Variants in IQSEC1 observed in about 807,000 individuals in gnomAD.
IQSEC1 encodes the protein IQ motif and SEC7 domain-containing protein 1.
A neutral mutation model predicts 91.0 loss-of-function variants in IQSEC1; 31 were observed. The observed-to-expected ratio is 0.34, with a 90% CI of 0.26 to 0.46. The LOEUF (loss-of-function observed/expected upper bound fraction) is 0.46, where lower values mean the gene tolerates loss of function less well. IQSEC1 is among the 20% of genes least tolerant of loss of function. IQSEC1 has a pLI of 1.00. For missense variants in IQSEC1, 1,388 were observed against 1,575.6 expected (o/e 0.88, Z 2.02); for synonymous variants, 699 against 662.6 (o/e 1.05, Z -0.84).
chr3:13,104,798 G>A (rs1706124285), intron 2 of IQSEC1, among the ~76,000 whole-genome samples: 1 of 152,172 alleles, frequency 6.6e-6, no homozygotes. Flanking sequence ...CCCATGTGAG[G>A]GGCTGTAGGA....
intron 1 of IQSEC1, among the ~76,000 whole-genome samples, chr3:12,969,300 A>G (rs1048054331): frequency 2.2e-4 from 33 of 152,114 alleles, no homozygotes; most frequent in Non-Finnish European, 3.7e-4. Context: ...AAGACAATCT[A>G]CAAGTGGCCA....
At chr3:13,139,968 G>C (rs1576268161) in intron 2 of IQSEC1, among the ~76,000 whole-genome samples, 1 of 152,166 alleles carries the variant, frequency 6.6e-6, no homozygotes, top group African/African-American at 2.4e-5. Flanking sequence ...AAACAAGATT[G>C]CTCAGATTCT....
At chr3:13,239,459 G>A (rs1694983931) in intron 1 of IQSEC1, among the ~76,000 whole-genome samples, 2 of 152,254 alleles carry the variant, frequency 1.3e-5, no homozygotes, top group Non-Finnish European at 2.9e-5. Context: ...TCAGAGCCGC[G>A]GACACAGGAG....
At chr3:13,249,813 G>A (rs141463020) in intron 1 of IQSEC1, among the ~76,000 whole-genome samples, 60 of 152,304 alleles carry the variant, frequency 3.9e-4, no homozygotes, top group African/African-American at 1.3e-3. Context: ...CAGAGCAGAC[G>A]CTGCAGCCGT....
intron 1 of IQSEC1, among the ~76,000 whole-genome samples, chr3:13,034,556 C>T (rs1379828746): frequency 1.3e-5 from 2 of 152,190 alleles, no homozygotes; most frequent in Non-Finnish European, 2.9e-5. Context: ...AGCCTGTTGG[C>T]ACCTGCAACG....
chr3:13,195,711 T>C (rs1414351933), intron 1 of IQSEC1, among the ~76,000 whole-genome samples: 2 of 152,196 alleles, frequency 1.3e-5, no homozygotes, highest in African/African-American at 4.8e-5. Flanking sequence ...TGGATGTGGC[T>C]GTCAAAGGGC....
rs763569888 is a variant in IQSEC1, at chr3:12,922,238, C to G, written c.1735G>C (p.Val579Leu). The change falls in exon 5 of 14, where the codon GTC becomes CTC. Residue 579 changes from valine (V) to leucine (L), a missense_variant. Val to Leu is a conservative substitution (Grantham distance 32). Around this residue, in one of 2 missense-constraint regions of IQSEC1, gnomAD observed 1,059 missense variants for 1,317.8 expected, o/e 0.80. Transcript: ENST00000613206. The surrounding 1 kb of genome is among the most constrained non-coding windows in gnomAD (Gnocchi z 5.1). ...GTAGAGAAGTCCATCTCGTCCACGA[C>G]GCAGCTGGAATAGAGACAGACAGCC... Reference protein sequence around the residue: ...KQFNRDVLDCVVDEMDFSTME... With the variant: ...KQFNRDVLDCLVDEMDFSTME... The G allele has an allele frequency of 6.3e-7, 1 of 1,587,504 alleles. No homozygotes were observed. The highest frequency in any genetic ancestry group is 1.1e-5 in the South Asian group (1 of 89,622).
chr3:12,934,992 C>T (rs1418322649), intron 3 of IQSEC1, among the ~76,000 whole-genome samples: 1 of 152,108 alleles, frequency 6.6e-6, no homozygotes, highest in Non-Finnish European at 1.5e-5. Context: ...CTGCATCCCC[C>T]ACAAGACACA....
intron 2 of IQSEC1, among the ~76,000 whole-genome samples, chr3:13,118,091 C>T (rs985132986): frequency 3.3e-5 from 5 of 151,952 alleles, no homozygotes; most frequent in African/African-American, 9.7e-5. Flanking sequence ...TTTCAAATAG[C>T]GAGAAGGAGG....
intron 1 of IQSEC1, among the ~76,000 whole-genome samples, chr3:13,011,203 A>C (rs1702868621): frequency 6.6e-6 from 1 of 152,204 alleles, no homozygotes; most frequent in South Asian, 2.1e-4. Flanking sequence ...CCTGAGCCCC[A>C]GGCGTACCAG....
At chr3:13,040,889 C>T (rs1704236011) in intron 1 of IQSEC1, among the ~76,000 whole-genome samples, 1 of 152,206 alleles carries the variant, frequency 6.6e-6, no homozygotes, top group Admixed American at 6.5e-5. Flanking sequence ...GCGACTCATG[C>T]CTGGCTAGCT....
intron 1 of IQSEC1, among the ~76,000 whole-genome samples, chr3:13,034,293 C>T (rs997005287): frequency 2.0e-5 from 3 of 152,190 alleles, no homozygotes; most frequent in Non-Finnish European, 4.4e-5. Flanking sequence ...CGGTGGCTGC[C>T]AAGAAACCGC....
chr3:13,080,572 G>A (rs1327733856), intron 2 of IQSEC1, among the ~76,000 whole-genome samples: 3 of 152,062 alleles, frequency 2.0e-5, no homozygotes, highest in Non-Finnish European at 4.4e-5. Context: ...TGTGAGGGGT[G>A]AAGAGAGGTC....
intron 2 of IQSEC1, among the ~76,000 whole-genome samples, chr3:13,129,995 T>C (rs1485408992): frequency 6.6e-6 from 1 of 152,008 alleles, no homozygotes; most frequent in African/African-American, 2.4e-5. Flanking sequence ...TTTTTAATTA[T>C]CATTCACTTC....
chr3:13,060,597 G>A (rs988954403), intron 1 of IQSEC1, among the ~76,000 whole-genome samples: 1 of 152,246 alleles, frequency 6.6e-6, no homozygotes, highest in Non-Finnish European at 1.5e-5. Flanking sequence ...GGGGCCACCT[G>A]CCCAAGGCTG....
intron 1 of IQSEC1, among the ~76,000 whole-genome samples, chr3:13,196,309 T>A (rs893287743): frequency 6.6e-6 from 1 of 152,042 alleles, no homozygotes. Context: ...AGCCTCTGAG[T>A]CTTCTTCCAG....
chr3:13,173,387 T>TGCA (rs888144552), intron 1 of IQSEC1, among the ~76,000 whole-genome samples: 1 of 152,186 alleles, frequency 6.6e-6, no homozygotes, highest in African/African-American at 2.4e-5. Flanking sequence ...CCTCAGCACC[T>TGCA]GCAGCCCGGG....
chr3:13,083,037 G>A (rs1352154678), intron 2 of IQSEC1, among the ~76,000 whole-genome samples: 2 of 152,194 alleles, frequency 1.3e-5, no homozygotes, highest in African/African-American at 4.8e-5. Context: ...AAGGGACTCT[G>A]TAATAATTAC....
At chr3:12,932,455 T>C (rs540755321) in intron 3 of IQSEC1, among the ~76,000 whole-genome samples, 2 of 152,348 alleles carry the variant, frequency 1.3e-5, no homozygotes, top group South Asian at 4.1e-4. Flanking sequence ...GCTCACCCAC[T>C]GCACAGGGTA....
Sources: gnomAD v4.1 joint callset for allele counts (sites outside exome capture counted in the v4.1 genomes callset) on GRCh38, gnomAD v4.1.1 for gene constraint, gnomAD v4.1.1 regional missense constraint, Gnocchi (gnomAD v3.1) non-coding constraint, MANE v1.5 for transcripts, NCBI Gene and HGNC (gene_info 2026-07-23, HGNC 2026-07-21) for gene names.